SASS6: variants seen among roughly 807,000 people sequenced by gnomAD.
The protein encoded by SASS6 is spindle assembly abnormal protein 6 homolog.
A neutral mutation model predicts 94.9 loss-of-function variants in SASS6; 59 were observed. The ratio of observed to expected loss-of-function variants is 0.62; its 90% CI spans 0.50 to 0.77. The LOEUF (loss-of-function observed/expected upper bound fraction) is 0.77, where lower values mean the gene tolerates loss of function less well. Among genes scored for constraint, SASS6 ranks in the 30% least tolerant of loss-of-function variants. The pLI, the probability that SASS6 is intolerant of heterozygous loss-of-function variation, is 0.00. For synonymous variants in SASS6, 264 were observed against 270.0 expected, an observed-to-expected ratio of 0.98 and a Z score of 0.22; for missense variants, 698 against 734.1, an observed-to-expected ratio of 0.95 and a Z score of 0.57.
chr1:100,087,656 A>C (rs1427148430), intron 15 of SASS6, among the ~76,000 whole-genome samples: 1 of 152,164 alleles, frequency 6.6e-6, no homozygotes, highest in Non-Finnish European at 1.5e-5. Context: ...AAAATCTCAC[A>C]AACCTTTTTA....
intron 14 of SASS6, among the ~76,000 whole-genome samples, chr1:100,090,885 C>T (rs966687077): frequency 6.6e-6 from 1 of 152,206 alleles, no homozygotes; most frequent in South Asian, 2.1e-4. Context: ...ATGAGCTGTA[C>T]GAATCTGACC....
At chr1:100,102,353 G>C (rs1462455912) in intron 14 of SASS6, among the ~76,000 whole-genome samples, 1 of 140,072 alleles carries the variant, frequency 7.1e-6, no homozygotes, top group African/African-American at 3.1e-5. Flanking sequence ...GCCTGAGAGC[G>C]TAGGAGACAC....
intron 14 of SASS6, among the ~76,000 whole-genome samples, chr1:100,098,132 G>T (rs531031571): frequency 6.6e-6 from 1 of 152,040 alleles, no homozygotes; most frequent in East Asian, 1.9e-4. Flanking sequence ...TTTTAAAAAG[G>T]AAGTATAATG....
At chr1:100,098,590 A>G (rs1396666545) in intron 14 of SASS6, among the ~76,000 whole-genome samples, 1 of 152,196 alleles carries the variant, frequency 6.6e-6, no homozygotes, top group East Asian at 1.9e-4. Context: ...CTAACAATGT[A>G]ACCTATAAAT....
chr1:100,132,647 G>T, intron 1 of SASS6, 103 bp downstream of exon 1: 2 of 965,592 alleles, frequency 2.1e-6, no homozygotes, highest in South Asian at 1.3e-5. Context: ...GGGCCGACTC[G>T]ACACCTAGGT....
At chr1:100,101,693 C>T (rs980793666) in intron 14 of SASS6, among the ~76,000 whole-genome samples, 4 of 152,150 alleles carry the variant, frequency 2.6e-5, no homozygotes, top group South Asian at 2.1e-4. Context: ...GACATTCCTT[C>T]GAATGCACAT....
At chr1:100,096,419 T>C (rs1652108840) in intron 14 of SASS6, among the ~76,000 whole-genome samples, 1 of 152,186 alleles carries the variant, frequency 6.6e-6, no homozygotes, top group Non-Finnish European at 1.5e-5. Context: ...ATGTAACAAC[T>C]AAAACTATAA....
At position 100,106,981 on chromosome 1, in the gene SASS6, G is replaced by A; in HGVS notation, c.1339C>T (p.Gln447Ter). Residue 447 changes from glutamine to a stop codon, truncating the protein, a stop_gained, in exon 12 of 17, where the codon CAA becomes TAA. Coordinates refer to ENST00000287482, the MANE Select transcript of SASS6 (RefSeq NM_194292.3). LOFTEE classifies it high-confidence loss of function. The stretch of plus-strand genomic sequence containing the variant: ...TTAACTGTAGCTTCTAATTGTTCTT[G>A]TAATTTGCATACCTGAAATATATCA... ...RIKEQEVCKLQEQLEATVKKL... is the reference protein window; with the variant it reads ...RIKEQEVCKL 7.2e-7 allele frequency: 1 copy of A among 1,395,216 alleles called. No individual in the cohort carries two copies. Among genetic ancestry groups the A allele is most frequent in the South Asian group, 1.2e-5 (1 of 84,944 alleles). 86.4% of individuals were successfully genotyped at this position (1,395,216 alleles called of 1,614,324 possible). A position where few individuals can be genotyped will look rare whatever the true frequency, so the allele number is the denominator to read the frequency against.
chr1:100,094,827 C>G (rs1652002311), intron 14 of SASS6, among the ~76,000 whole-genome samples: 1 of 150,560 alleles, frequency 6.6e-6, no homozygotes, highest in African/African-American at 2.5e-5. Context: ...GATCACACTA[C>G]TGCACTCCAG....
intron 2 of SASS6, among the ~76,000 whole-genome samples, chr1:100,123,698 A>G (rs909852550): frequency 1.3e-5 from 2 of 152,244 alleles, no homozygotes; most frequent in Non-Finnish European, 2.9e-5. Context: ...AGTGGCAAAT[A>G]TATCAGCAGA....
intron 5 of SASS6, 27 bp from the exon 6 acceptor site, chr1:100,120,486 C>G (rs765507312): frequency 2.0e-6 from 2 of 1,014,340 alleles, no homozygotes; most frequent in African/African-American, 1.6e-5. Flanking sequence ...TAAAATTACA[C>G]AGTTTACAAT....
At position 100,128,813 on chromosome 1, in the gene SASS6, T is replaced by TGA. The variant is rs199644804; in HGVS notation, c.66-2872_66-2871insTC. Among the ~76,000 whole-genome samples, 376 of 152,356 alleles carry TGA rather than the reference T, an allele frequency of 2.5e-3. 4 individuals are homozygous for TGA. In the East Asian group the frequency reaches 0.026, roughly 11 times the overall value. On this transcript the variant is annotated intron_variant, in intron 1 of 16. Transcript: ENST00000287482. ...ATAAAAAGTATTCTAAACATCAGGC[T>TGA]TGCTTTAGCACAACTGGATTCTAGG...
intron 1 of SASS6, among the ~76,000 whole-genome samples, chr1:100,131,756 G>A (rs1278875936): frequency 6.6e-6 from 1 of 152,106 alleles, no homozygotes; most frequent in Non-Finnish European, 1.5e-5. Context: ...TGACATTACT[G>A]GCAACTCAAT....
intron 14 of SASS6, among the ~76,000 whole-genome samples, chr1:100,097,210 T>C (rs973634648): frequency 6.6e-6 from 1 of 152,228 alleles, no homozygotes; most frequent in African/African-American, 2.4e-5. Flanking sequence ...GCAGAACAAC[T>C]TGAACTCTCA....
intron 13 of SASS6, among the ~76,000 whole-genome samples, chr1:100,105,375 A>G (rs1305249594): frequency 6.6e-6 from 1 of 152,066 alleles, no homozygotes; most frequent in Non-Finnish European, 1.5e-5. Flanking sequence ...AAAATACAAA[A>G]AATTAGCTGG....
intron 1 of SASS6, among the ~76,000 whole-genome samples, chr1:100,132,460 G>A (rs1005045417): frequency 6.6e-6 from 1 of 152,118 alleles, no homozygotes; most frequent in African/African-American, 2.4e-5. Context: ...TCTGTCAAAA[G>A]GGAAGAGTAG....
intron 7 of SASS6, among the ~76,000 whole-genome samples, 199 bp downstream of exon 7, chr1:100,118,814 TAGAGA>T (rs1653964520): frequency 6.6e-6 from 1 of 152,096 alleles, no homozygotes. Context: ...TACATATACG[TAGAGA>T]AAAGTCTGAA....
At chr1:100,123,645 T>C (rs1654365091) in intron 2 of SASS6, among the ~76,000 whole-genome samples, 1 of 152,216 alleles carries the variant, frequency 6.6e-6, no homozygotes, top group African/African-American at 2.4e-5. Flanking sequence ...ACATTCAATT[T>C]TATTTTTAGT....
In SASS6 at chr1:100,119,046, A is replaced by G; in HGVS notation, c.641T>C (p.Leu214Pro). The change falls in exon 7 of 17, where the codon CTG becomes CCG. Residue 214 changes from leucine to proline, a missense_variant. Physicochemically the swap from Leu to Pro is moderately conservative, Grantham distance 98 (BLOSUM62 -3). Coordinates refer to ENST00000287482, the MANE Select transcript of SASS6 (RefSeq NM_194292.3). Reference protein sequence around the residue: ...AALTNKHSQELTNEKEKALQA... With the variant: ...AALTNKHSQEPTNEKEKALQA... ...CAAGGCTTTTTCCTTTTCATTTGTCAGTTCCTGAGAATGCTTGTTTGTCAA... is the reference window on the plus strand; with the variant it reads ...CAAGGCTTTTTCCTTTTCATTTGTCGGTTCCTGAGAATGCTTGTTTGTCAA... The G allele has an allele frequency of 6.3e-7, 1 of 1,584,380 alleles. No individual in the cohort carries two copies. Among genetic ancestry groups the G allele is most frequent in the Non-Finnish European group, 8.6e-7 (1 of 1,162,162 alleles).
Sources: gnomAD v4.1 joint callset for allele counts (sites outside exome capture counted in the v4.1 genomes callset) on GRCh38, gnomAD v4.1.1 for gene constraint, MANE v1.5 for transcripts, NCBI Gene and HGNC (gene_info 2026-07-23, HGNC 2026-07-21) for gene names.